AGBL1: variants seen among roughly 807,000 people sequenced by gnomAD.
The protein encoded by AGBL1 is AGBL carboxypeptidase 1, also known as cytosolic carboxypeptidase 4.
AGBL1 carries 130 observed loss-of-function variants against 118.9 expected under a neutral mutation model. The observed-to-expected ratio is 1.09, with a 90% CI of 0.95 to 1.26. AGBL1 has a LOEUF of 1.26. Ranked by LOEUF, AGBL1 falls within the 50% of genes most tolerant of loss-of-function variation. The pLI, the probability that AGBL1 is intolerant of heterozygous loss-of-function variation, is 0.00. For missense variants in AGBL1, 1,584 were observed against 1,298.1 expected (o/e 1.22, Z -3.38); for synonymous variants, 555 against 478.9 (o/e 1.16, Z -2.08).
intron 23 of AGBL1, among the ~76,000 whole-genome samples, chr15:86,974,336 T>A (rs1179195586): frequency 2.1e-5 from 2 of 97,106 alleles, no homozygotes; most frequent in African/African-American, 4.3e-5. Flanking sequence ...ATATAAACAT[T>A]TTAATATATT....
intron 20 of AGBL1, among the ~76,000 whole-genome samples, chr15:86,546,794 A>G (rs1257316632): frequency 6.6e-6 from 1 of 152,204 alleles, no homozygotes; most frequent in Admixed American, 6.5e-5. Context: ...CCATCAGGAT[A>G]AAGGCAACAA....
chr15:86,103,278 T>C (rs1165064186), intron 1 of AGBL1, among the ~76,000 whole-genome samples: 1 of 152,200 alleles, frequency 6.6e-6, no homozygotes, highest in Non-Finnish European at 1.5e-5. Context: ...ATAATTTAAT[T>C]GTACATTTGA....
intron 17 of AGBL1, among the ~76,000 whole-genome samples, chr15:86,325,681 A>G (rs939350099): frequency 7.2e-5 from 11 of 152,136 alleles, no homozygotes; most frequent in African/African-American, 2.7e-4. Flanking sequence ...TAGCAAGGTG[A>G]GCATCGAACA....
chr15:86,606,021 A>G (rs2447259), intron 21 of AGBL1, among the ~76,000 whole-genome samples: 77,097 of 150,890 alleles, frequency 0.51, 19,828 homozygotes, highest in East Asian at 0.74. Flanking sequence ...CAGCTACTAG[A>G]GAGGCTGAGG....
intron 22 of AGBL1, among the ~76,000 whole-genome samples, chr15:86,863,886 C>G (rs757574395): frequency 6.6e-6 from 1 of 152,180 alleles, no homozygotes; most frequent in Non-Finnish European, 1.5e-5. Flanking sequence ...TTATAAGAAC[C>G]ATTTCATAGG....
intron 21 of AGBL1, among the ~76,000 whole-genome samples, chr15:86,605,585 G>A (rs2084563744): frequency 6.6e-6 from 1 of 152,150 alleles, no homozygotes; most frequent in Non-Finnish European, 1.5e-5. Flanking sequence ...CTAAATCTCT[G>A]ATGTACCTGG....
chr15:86,697,802 C>T (rs1476607113), intron 22 of AGBL1, among the ~76,000 whole-genome samples: 2 of 151,914 alleles, frequency 1.3e-5, no homozygotes, highest in East Asian at 1.9e-4. Context: ...TACTCTCCCC[C>T]TTTTCCTAGA....
At chr15:86,343,178 A>C (rs1280195954) in intron 17 of AGBL1, among the ~76,000 whole-genome samples, 3 of 152,202 alleles carry the variant, frequency 2.0e-5, no homozygotes, top group African/African-American at 7.2e-5. Context: ...TTGAGAGGCT[A>C]ATCTTTATGA....
At chr15:86,556,066 T>C (rs888053253) in intron 21 of AGBL1, among the ~76,000 whole-genome samples, 1 of 152,180 alleles carries the variant, frequency 6.6e-6, no homozygotes, top group African/African-American at 2.4e-5. Context: ...TGTCATTGAG[T>C]TTGTTTCTCC....
At chr15:86,612,853 G>T (rs117017365) in intron 21 of AGBL1, among the ~76,000 whole-genome samples, 1 of 152,250 alleles carries the variant, frequency 6.6e-6, no homozygotes, top group East Asian at 1.9e-4. Context: ...CTTGGCTTCT[G>T]CAATATCCCT....
intron 18 of AGBL1, among the ~76,000 whole-genome samples, chr15:86,414,481 C>G (rs12148688): frequency 0.03 from 4,498 of 152,216 alleles, 108 homozygotes; most frequent in African/African-American, 0.063. Flanking sequence ...GATAGTATCT[C>G]CAGACCAGCA....
At chr15:87,006,621 C>T (rs1172745510) in intron 24 of AGBL1, among the ~76,000 whole-genome samples, 2 of 152,102 alleles carry the variant, frequency 1.3e-5, no homozygotes, top group Non-Finnish European at 2.9e-5. Context: ...AAGGGAATTC[C>T]CTGACCCCTT....
chr15:86,130,151 A>G (rs927836190), intron 1 of AGBL1, among the ~76,000 whole-genome samples: 16 of 152,022 alleles, frequency 1.1e-4, no homozygotes, highest in Admixed American at 2.6e-4. Flanking sequence ...AGCATGAGGG[A>G]CACCTTTAGA....
At chr15:86,397,116 G>T (rs911144353) in intron 17 of AGBL1, among the ~76,000 whole-genome samples, 1 of 152,110 alleles carries the variant, frequency 6.6e-6, no homozygotes, top group South Asian at 2.1e-4. Context: ...CCAATCATGT[G>T]AAAATCAGTT....
At chr15:86,566,547 T>A (rs1235841859) in intron 21 of AGBL1, among the ~76,000 whole-genome samples, 4 of 152,016 alleles carry the variant, frequency 2.6e-5, no homozygotes, top group Non-Finnish European at 5.9e-5. Context: ...GCAGGGAACC[T>A]CCTAGGTTGC....
intron 22 of AGBL1, among the ~76,000 whole-genome samples, chr15:86,761,455 G>T (rs995178667): frequency 2.0e-5 from 3 of 151,998 alleles, no homozygotes; most frequent in African/African-American, 7.2e-5. Context: ...GAAAAATGCG[G>T]GAATACAAAT....
At chr15:87,002,116 A>T (rs1012572676) in intron 24 of AGBL1, among the ~76,000 whole-genome samples, 8 of 151,970 alleles carry the variant, frequency 5.3e-5, no homozygotes, top group African/African-American at 1.9e-4. Context: ...TTTTAGGTCT[A>T]ACATTTAAGT....
intron 23 of AGBL1, among the ~76,000 whole-genome samples, chr15:86,923,280 A>C (rs182127323): frequency 6.6e-6 from 1 of 152,168 alleles, no homozygotes; most frequent in Non-Finnish European, 1.5e-5. Flanking sequence ...TGTCCATATG[A>C]TGTATCAGCT....
At position 86,653,832 on chromosome 15, in the gene AGBL1, A is replaced by G. The variant is rs572148010; in HGVS notation, c.2995-20441A>G. ...TTGGGCTGGAACTAGCCAATGTCTCATACTCCCAGAGACCAAATACAGCAC... is the reference window on the plus strand; with the variant it reads ...TTGGGCTGGAACTAGCCAATGTCTCGTACTCCCAGAGACCAAATACAGCAC... On this transcript the variant is annotated intron_variant, in intron 21 of 22. Coordinates refer to ENST00000614907, the MANE Select transcript of AGBL1 (RefSeq NM_001386094.1). Among the ~76,000 whole-genome samples, 7 of 152,258 alleles carry G rather than the reference A, an allele frequency of 4.6e-5. No homozygotes were observed. The East Asian group carries it at 1.4e-3, about 29-fold the overall frequency.
Sources: gnomAD v4.1 joint callset for allele counts (sites outside exome capture counted in the v4.1 genomes callset) on GRCh38, gnomAD v4.1.1 for gene constraint, MANE v1.5 for transcripts, NCBI Gene and HGNC (gene_info 2026-07-23, HGNC 2026-07-21) for gene names.